Variants in LCK observed in about 807,000 individuals in gnomAD.
LCK encodes the protein LCK proto-oncogene, Src family tyrosine kinase, also known as tyrosine-protein kinase Lck.
A neutral mutation model predicts 64.6 loss-of-function variants in LCK; 14 were observed. That is an observed-to-expected ratio of 0.22 (90% confidence interval 0.14 to 0.34). The LOEUF (loss-of-function observed/expected upper bound fraction) is 0.34. LCK is among the 10% of genes least tolerant of loss of function. The pLI is 1.00. For missense variants in LCK, 434 were observed against 668.1 expected, an observed-to-expected ratio of 0.65 and a Z score of 3.86; for synonymous variants, 277 against 263.6, an observed-to-expected ratio of 1.05 and a Z score of -0.49.
At position 32,276,762 on chromosome 1, in the gene LCK, A is replaced by C; in HGVS notation, c.940A>C (p.Ile314Leu). ...TGTGGTCACCCAGGAGCCCATCTACATCATCACTGAATACATGGAGAATGG... is the reference window on the plus strand; with the variant it reads ...TGTGGTCACCCAGGAGCCCATCTACCTCATCACTGAATACATGGAGAATGG... The part of the protein sequence containing the change: ...YAVVTQEPIY[I>L]ITEYMENGSL... The change falls in exon 9 of 13, where the codon ATC (isoleucine) becomes CTC (leucine). Residue 314 changes from isoleucine to leucine, a missense_variant. Transcript: ENST00000336890. This position sits in a 1 kb window ranked among gnomAD's most constrained non-coding sequence, Gnocchi z 4.6. The C allele has an allele frequency of 6.2e-7, 1 of 1,611,048 alleles. No homozygotes were observed. Among genetic ancestry groups the C allele is most frequent in the Non-Finnish European group, 8.5e-7 (1 of 1,178,112 alleles).
At position 32,279,966 on chromosome 1, in the gene LCK, T is replaced by G; in HGVS notation, c.1167T>G (p.Ile389Met). The G allele has an allele frequency of 6.2e-7, 1 of 1,614,132 alleles. No homozygotes were observed. The highest frequency in any genetic ancestry group is 8.5e-7 in the Non-Finnish European group (1 of 1,180,042). The change falls in exon 11 of 13, where the codon ATT becomes ATG. Residue 389 changes from isoleucine (I) to methionine (M), a missense_variant. Around this residue, in one of 2 missense-constraint regions of LCK, gnomAD observed 201 missense variants for 376.9 expected, o/e 0.53. Transcript: ENST00000336890. ...CAGACTTTGGCCTAGCACGCCTCAT[T>G]GAGGACAACGAGTACACAGCCAGGG... The part of the protein sequence containing the change: ...KIADFGLARL[I>M]EDNEYTAREG...
At chr1:32,272,489 G>T (rs546786484) in intron 1 of LCK, among the ~76,000 whole-genome samples, 1 of 151,894 alleles carries the variant, frequency 6.6e-6, no homozygotes, top group Non-Finnish European at 1.5e-5. Context: ...GGAGGTTGAG[G>T]TGGGAAGATT....
At chr1:32,254,913 C>T (rs1400875234) in intron 1 of LCK, among the ~76,000 whole-genome samples, 2 of 152,124 alleles carry the variant, frequency 1.3e-5, no homozygotes, top group African/African-American at 4.8e-5. Flanking sequence ...CTTTGGGGGG[C>T]CGTGATGGGA....
Position 32,276,047 on chromosome 1 carries a change from G to A in LCK, c.615G>A (p.Leu205=), listed in dbSNP as rs1303742459. ...PRITFPGLHE[L]VRHYTNASDG... is the part of the protein sequence containing the mutation. ...TCACTTTTCCCGGCCTGCATGAACT[G>A]GTCCGCCATTACACCAGTGAGCCCG... The change falls in exon 7 of 13, where the codon CTG becomes CTA. Residue 205 remains leucine, a synonymous_variant. Transcript: ENST00000336890. This position sits in a 1 kb window ranked among gnomAD's most constrained non-coding sequence, Gnocchi z 4.6. 6.2e-7 allele frequency: 1 copy of A among 1,614,064 alleles called. No individual in the cohort carries two copies.
chr1:32,266,263 C>T (rs962089494), intron 1 of LCK, among the ~76,000 whole-genome samples: 8 of 151,608 alleles, frequency 5.3e-5, no homozygotes, highest in Non-Finnish European at 1.0e-4. Flanking sequence ...GAGGCTGAGG[C>T]GGGCAAATCA....
intron 1 of LCK, among the ~76,000 whole-genome samples, chr1:32,263,388 G>A (rs1007347991): frequency 5.4e-5 from 8 of 149,208 alleles, no homozygotes; most frequent in South Asian, 2.1e-4. Context: ...GGAAGACTCC[G>A]TCTCAAAATA....
chr1:32,280,273 A>G (rs1006292880), intron 12 of LCK, 63 bp downstream of exon 12: 3 of 1,593,894 alleles, frequency 1.9e-6, no homozygotes, highest in Admixed American at 3.5e-5. Flanking sequence ...CTTCCCATTC[A>G]ATTCTTTCCA....
chr1:32,262,973 A>G (rs929959184), intron 1 of LCK, among the ~76,000 whole-genome samples: 1 of 151,964 alleles, frequency 6.6e-6, no homozygotes. Flanking sequence ...TTTTCTCCCA[A>G]TTTAGGAATC....
chr1:32,252,360 C>G (rs562597301), intron 1 of LCK, among the ~76,000 whole-genome samples: 1 of 152,164 alleles, frequency 6.6e-6, no homozygotes, highest in African/African-American at 2.4e-5. Flanking sequence ...ACTGGGGAGG[C>G]ATAGTTGCTA....
At chr1:32,264,663 T>C (rs1385172096) in intron 1 of LCK, among the ~76,000 whole-genome samples, 1 of 152,044 alleles carries the variant, frequency 6.6e-6, no homozygotes, top group East Asian at 1.9e-4. Flanking sequence ...TACCATTCCC[T>C]GTTCTACACT....
At chr1:32,265,258 A>C (rs541262810) in intron 1 of LCK, among the ~76,000 whole-genome samples, 8 of 152,362 alleles carry the variant, frequency 5.3e-5, no homozygotes, top group Admixed American at 4.6e-4. Flanking sequence ...TTGTCAAAAC[A>C]AGAAACAAAG....
At chr1:32,256,164 A>G (rs1639627663) in intron 1 of LCK, among the ~76,000 whole-genome samples, 1 of 151,854 alleles carries the variant, frequency 6.6e-6, no homozygotes, top group Non-Finnish European at 1.5e-5. Flanking sequence ...TTATAGATGG[A>G]GTCTTGCTCT....
At chr1:32,266,931 C>T (rs1639941512) in intron 1 of LCK, among the ~76,000 whole-genome samples, 1 of 146,466 alleles carries the variant, frequency 6.8e-6, no homozygotes, top group African/African-American at 2.6e-5. Context: ...TTGCCTTTTT[C>T]TAAAGGCTCC....
chr1:32,262,732 G>C (rs760617377), intron 1 of LCK, among the ~76,000 whole-genome samples: 19 of 151,502 alleles, frequency 1.3e-4, no homozygotes, highest in Non-Finnish European at 2.2e-4. Context: ...ACTCCTTCTG[G>C]TCTTAGTTTG....
Position 32,275,094 on chromosome 1 carries a change from C to T in LCK, c.278+11C>T. On this transcript the variant is annotated intron_variant, in intron 4 of 12. Transcript: ENST00000336890. This position sits in a 1 kb window ranked among gnomAD's most constrained non-coding sequence, Gnocchi z 6.9. ...CCGCATCCTGGAGCAGTGAGTCCCTCTCCACCTTGCTCTGGCGGAGTCCGT... is the reference window on the plus strand; with the variant it reads ...CCGCATCCTGGAGCAGTGAGTCCCTTTCCACCTTGCTCTGGCGGAGTCCGT... The T allele has an allele frequency of 1.9e-6, 3 of 1,601,276 alleles. No individual in the cohort carries two copies. The highest frequency in any genetic ancestry group is 1.1e-5 in the South Asian group (1 of 90,134).
chr1:32,278,778 T>C (rs1249121196), intron 9 of LCK, among the ~76,000 whole-genome samples: 4 of 152,214 alleles, frequency 2.6e-5, no homozygotes, highest in Non-Finnish European at 5.9e-5. Context: ...TCTATGTCTA[T>C]GTATTTGCTG....
chr1:32,282,534 G>A (rs1305408616), intron 12 of LCK, among the ~76,000 whole-genome samples: 1 of 152,130 alleles, frequency 6.6e-6, no homozygotes, highest in South Asian at 2.1e-4. Flanking sequence ...GGCTGGGCAC[G>A]GTGACTCACA....
At chr1:32,281,079 A>G (rs950876657) in intron 12 of LCK, among the ~76,000 whole-genome samples, 2 of 152,028 alleles carry the variant, frequency 1.3e-5, no homozygotes, top group South Asian at 4.2e-4. Context: ...CCATCTCTAC[A>G]AAAACAAAAG....
At chr1:32,270,465 G>A (rs923231050) in intron 1 of LCK, among the ~76,000 whole-genome samples, 1 of 151,520 alleles carries the variant, frequency 6.6e-6, no homozygotes, top group African/African-American at 2.4e-5. Flanking sequence ...CTTGATCTCG[G>A]CTCACTGCAA....
Sources: allele counts gnomAD v4.1 joint callset (sites outside exome capture counted in the v4.1 genomes callset), GRCh38; gene constraint gnomAD v4.1.1; regional missense constraint gnomAD v4.1.1; non-coding constraint Gnocchi (gnomAD v3.1); transcripts MANE v1.5; gene names NCBI Gene and HGNC (gene_info 2026-07-23, HGNC 2026-07-21).